The following PRKCE variants were observed in gnomAD, a reference collection of about 807,000 sequenced individuals.
The protein encoded by PRKCE is protein kinase C epsilon type.
PRKCE carries 16 observed loss-of-function variants against 85.4 expected under a neutral mutation model. The ratio of observed to expected loss-of-function variants is 0.19; its 90% confidence interval spans 0.13 to 0.28. The LOEUF is 0.28. Among genes scored for constraint, PRKCE ranks in the 10% least tolerant of loss-of-function variants. The probability of loss-of-function intolerance (pLI) is 1.00; values close to 1 mark genes in which losing one functional copy is unlikely to be tolerated. For synonymous variants in PRKCE, 388 were observed against 371.5 expected (o/e 1.04, Z -0.51); for missense variants, 573 against 975.2 (o/e 0.59, Z 5.49).
intron 14 of PRKCE, among the ~76,000 whole-genome samples, chr2:46,167,314 A>T (rs750826474): frequency 6.6e-6 from 1 of 152,214 alleles, no homozygotes; most frequent in Admixed American, 6.5e-5. Flanking sequence ...GCTGTGAAGC[A>T]TCAACAAACC....
chr2:45,841,199 A>G (rs1047176278), intron 1 of PRKCE, among the ~76,000 whole-genome samples: 4 of 152,226 alleles, frequency 2.6e-5, no homozygotes, highest in Non-Finnish European at 4.4e-5. Context: ...GGATATATGT[A>G]TATATGAAGG....
Position 45,800,459 on chromosome 2 carries a change from G to C in PRKCE, c.349-42541G>C, listed in dbSNP as rs1001988196. On this transcript the variant is annotated intron_variant, in intron 1 of 14. Coordinates refer to ENST00000306156, the MANE Select transcript of PRKCE (RefSeq NM_005400.3). The stretch of plus-strand genomic sequence containing the variant: ...TGGCTGGAGCCCAGGTAGACCTGTG[G>C]CACCTGGCAGGTGCCAAGGGCAGTT... 4.6e-5 allele frequency among the ~76,000 whole-genome samples: 7 copies of C among 152,226 alleles called. 1 individual carries two copies. Among genetic ancestry groups the C allele is most frequent in the Admixed American group, 3.9e-4 (6 of 15,290 alleles).
At chr2:46,173,665 T>C (rs1260836320) in intron 14 of PRKCE, among the ~76,000 whole-genome samples, 3 of 152,230 alleles carry the variant, frequency 2.0e-5, no homozygotes, top group African/African-American at 7.2e-5. Context: ...GCCCTGAAGT[T>C]TTGTTTCAAA....
chr2:45,699,558 C>T (rs560747188), intron 1 of PRKCE, among the ~76,000 whole-genome samples: 38 of 152,140 alleles, frequency 2.5e-4, no homozygotes, highest in Non-Finnish European at 4.1e-4. Context: ...TGAGGGGCAC[C>T]AGCCCCCATG....
chr2:46,153,441 A>G (rs1266702095), intron 13 of PRKCE, among the ~76,000 whole-genome samples: 1 of 152,194 alleles, frequency 6.6e-6, no homozygotes, highest in Non-Finnish European at 1.5e-5. Flanking sequence ...ATTGTACTAA[A>G]TGGTAACAAG....
At chr2:45,922,246 T>C (rs1027875200) in intron 2 of PRKCE, among the ~76,000 whole-genome samples, 17 of 152,162 alleles carry the variant, frequency 1.1e-4, no homozygotes, top group Admixed American at 9.2e-4. Context: ...CTTTGTAAAA[T>C]TCCATTAAAT....
intron 1 of PRKCE, among the ~76,000 whole-genome samples, chr2:45,656,213 A>G (rs1304965901): frequency 2.0e-5 from 3 of 152,216 alleles, no homozygotes; most frequent in Non-Finnish European, 2.9e-5. Context: ...TCATGAAATC[A>G]CAGGTTTGGA....
intron 1 of PRKCE, among the ~76,000 whole-genome samples, chr2:45,829,575 T>C (rs147149810): frequency 1.6e-4 from 24 of 152,272 alleles, no homozygotes; most frequent in Middle Eastern, 6.8e-3. Flanking sequence ...TGAAGCAGAA[T>C]AGAGAACTCT....
chr2:46,080,875 T>G (rs1389960491), intron 10 of PRKCE, among the ~76,000 whole-genome samples: 2 of 151,602 alleles, frequency 1.3e-5, no homozygotes, highest in African/African-American at 4.9e-5. Flanking sequence ...ATGGTGAGAG[T>G]GGGCACCCAG....
At chr2:45,806,069 G>A (rs1688220271) in intron 1 of PRKCE, among the ~76,000 whole-genome samples, 1 of 152,194 alleles carries the variant, frequency 6.6e-6, no homozygotes, top group Non-Finnish European at 1.5e-5. Context: ...ATGAGCTCCA[G>A]GATTTTGATG....
intron 11 of PRKCE, among the ~76,000 whole-genome samples, chr2:46,094,899 T>C (rs982041286): frequency 6.6e-6 from 1 of 152,218 alleles, no homozygotes; most frequent in South Asian, 2.1e-4. Context: ...CTGAAGTCAA[T>C]TGAATTCTCA....
At chr2:46,103,386 A>T (rs1230787022) in intron 11 of PRKCE, among the ~76,000 whole-genome samples, 2 of 152,220 alleles carry the variant, frequency 1.3e-5, no homozygotes, top group African/African-American at 4.8e-5. Flanking sequence ...TAGAAACCAA[A>T]ATCTAGGTGC....
At chr2:46,069,712 A>G (rs528436729) in intron 10 of PRKCE, among the ~76,000 whole-genome samples, 99 of 152,318 alleles carry the variant, frequency 6.5e-4, no homozygotes, top group African/African-American at 2.3e-3. Flanking sequence ...ACAAATTTTA[A>G]AGTCTTGGTA....
At chr2:45,888,218 C>T (rs116381271) in intron 2 of PRKCE, among the ~76,000 whole-genome samples, 2,210 of 152,244 alleles carry the variant, frequency 0.015, 25 homozygotes, top group African/African-American at 0.034. Flanking sequence ...CTGCTTAGCT[C>T]CTTTGAAACT....
At chr2:45,893,064 C>T (rs565203741) in intron 2 of PRKCE, among the ~76,000 whole-genome samples, 15 of 152,240 alleles carry the variant, frequency 9.9e-5, no homozygotes, top group South Asian at 6.2e-4. Context: ...TGACTGTTTG[C>T]GACCCTCACA....
At chr2:45,974,184 G>C (rs1702283924) in intron 2 of PRKCE, among the ~76,000 whole-genome samples, 1 of 152,194 alleles carries the variant, frequency 6.6e-6, no homozygotes, top group Non-Finnish European at 1.5e-5. Context: ...TACACATTGT[G>C]AAAGTATGAA....
At chr2:45,888,533 C>T (rs184545467) in intron 2 of PRKCE, among the ~76,000 whole-genome samples, 164 of 125,824 alleles carry the variant, frequency 1.3e-3, no homozygotes, top group African/African-American at 4.6e-3. Context: ...ACTGCAATGG[C>T]GCGATCTCCT....
chr2:45,906,527 G>A (rs973810775), intron 2 of PRKCE, among the ~76,000 whole-genome samples: 2 of 152,214 alleles, frequency 1.3e-5, no homozygotes, highest in Admixed American at 6.5e-5. Context: ...AGGGAAGAGG[G>A]GGACGGGTTT....
At chr2:45,854,826 A>G (rs550553535) in intron 2 of PRKCE, among the ~76,000 whole-genome samples, 1 of 152,218 alleles carries the variant, frequency 6.6e-6, no homozygotes, top group Non-Finnish European at 1.5e-5. Flanking sequence ...AATGTGGCCA[A>G]GTGGAATAGA....
Sources: allele counts gnomAD v4.1 joint callset (sites outside exome capture counted in the v4.1 genomes callset), GRCh38; gene constraint gnomAD v4.1.1; transcripts MANE v1.5; gene names NCBI Gene and HGNC (gene_info 2026-07-23, HGNC 2026-07-21).